Variants in LRP1B observed in about 807,000 individuals in gnomAD.
LRP1B encodes the protein LDL receptor related protein 1B.
A neutral mutation model predicts 556.6 loss-of-function variants in LRP1B; 217 were observed. That is an observed-to-expected ratio of 0.39 (90% CI 0.35 to 0.44). The LOEUF (loss-of-function observed/expected upper bound fraction) is 0.44. Among genes scored for constraint, LRP1B ranks in the 20% least tolerant of loss-of-function variants. LRP1B has a pLI of 1.00. For synonymous variants in LRP1B, 2,047 were observed against 1,865.8 expected (o/e 1.10, Z -2.50); for missense variants, 5,053 against 5,620.8 (o/e 0.90, Z 3.23).
intron 3 of LRP1B, among the ~76,000 whole-genome samples, chr2:141,467,034 T>C (rs1184874242): frequency 6.7e-6 from 1 of 148,954 alleles, no homozygotes; most frequent in African/African-American, 2.5e-5. Flanking sequence ...TGCCAGTTTT[T>C]TGCTACATAT....
chr2:141,639,144 G>C (rs1365915151), intron 2 of LRP1B, among the ~76,000 whole-genome samples: 1 of 134,882 alleles, frequency 7.4e-6, no homozygotes, highest in East Asian at 2.2e-4. Flanking sequence ...ACAAAAAAAA[G>C]TTACCAAATA....
rs574384585 is a variant in LRP1B, at chr2:141,915,203, T to C, written c.83-104802A>G. On this transcript the variant is annotated intron_variant, in intron 1 of 90. Transcript: ENST00000389484. ...ACCTGGAAATAAAGCAGCGCACCTA[T>C]AGCCATCTGATTTTCAACAGTCAAC... Among the ~76,000 whole-genome samples the C allele has an allele frequency of 2.0e-5, 3 of 152,234 alleles. No individual in the cohort carries two copies. The East Asian group carries it at 5.8e-4, about 29-fold the overall frequency.
At chr2:140,667,634 T>C (rs1022096471) in intron 41 of LRP1B, among the ~76,000 whole-genome samples, 6 of 152,216 alleles carry the variant, frequency 3.9e-5, no homozygotes, top group Non-Finnish European at 7.3e-5. Flanking sequence ...TGTTCCTTTT[T>C]CCCTCCAGTA....
At chr2:141,546,253 C>T (rs1685548817) in intron 2 of LRP1B, among the ~76,000 whole-genome samples, 1 of 152,098 alleles carries the variant, frequency 6.6e-6, no homozygotes, top group African/African-American at 2.4e-5. Context: ...CCTTGGCAAC[C>T]CTCTGCTGGG....
At chr2:141,204,912 G>T (rs1199883817) in intron 6 of LRP1B, among the ~76,000 whole-genome samples, 1 of 151,914 alleles carries the variant, frequency 6.6e-6, no homozygotes, top group Non-Finnish European at 1.5e-5. Context: ...ACCCTAGCCT[G>T]GGTGACAGAG....
chr2:141,343,494 G>T (rs1688142161), intron 3 of LRP1B, among the ~76,000 whole-genome samples: 1 of 152,074 alleles, frequency 6.6e-6, no homozygotes, highest in Non-Finnish European at 1.5e-5. Flanking sequence ...AGATATTTTT[G>T]TGGGCCTGTA....
chr2:141,804,049 T>G (rs770332785), intron 2 of LRP1B, among the ~76,000 whole-genome samples: 5 of 152,118 alleles, frequency 3.3e-5, no homozygotes, highest in Non-Finnish European at 7.4e-5. Context: ...ACTTGTTCTT[T>G]TTATTGCATT....
intron 6 of LRP1B, among the ~76,000 whole-genome samples, chr2:141,224,165 C>CAA (rs72540281): frequency 0.29 from 44,263 of 151,620 alleles, 7,192 homozygotes; most frequent in Middle Eastern, 0.5. Flanking sequence ...CACACACACA[C>CAA]AAACATTAAA....
At chr2:141,566,169 A>G (rs1000856817) in intron 2 of LRP1B, among the ~76,000 whole-genome samples, 1 of 150,912 alleles carries the variant, frequency 6.6e-6, no homozygotes, top group Non-Finnish European at 1.5e-5. Context: ...AAAAAAAAAG[A>G]AAAAAGAACT....
chr2:140,788,951 G>A (rs185229221), intron 32 of LRP1B, among the ~76,000 whole-genome samples: 1 of 152,284 alleles, frequency 6.6e-6, no homozygotes, highest in African/African-American at 2.4e-5. Context: ...ACAAAAAGGT[G>A]CCCATCTGCT....
intron 41 of LRP1B, among the ~76,000 whole-genome samples, chr2:140,631,784 A>G (rs1683895858): frequency 6.6e-6 from 1 of 152,190 alleles, no homozygotes; most frequent in African/African-American, 2.4e-5. Context: ...AAAACCATAG[A>G]TCTAGAAAGC....
chr2:141,267,244 A>C (rs1488444015), intron 3 of LRP1B, among the ~76,000 whole-genome samples: 1 of 152,174 alleles, frequency 6.6e-6, no homozygotes, highest in Non-Finnish European at 1.5e-5. Context: ...CCAGACCCTA[A>C]AGTAAAAGAT....
chr2:141,790,153 C>T (rs1695564695), intron 2 of LRP1B, among the ~76,000 whole-genome samples: 1 of 151,880 alleles, frequency 6.6e-6, no homozygotes, highest in East Asian at 1.9e-4. Flanking sequence ...CATAGTTTGT[C>T]CCTGGAGATA....
chr2:141,227,195 T>C (rs1018593196), intron 6 of LRP1B, among the ~76,000 whole-genome samples: 5 of 152,198 alleles, frequency 3.3e-5, no homozygotes, highest in African/African-American at 1.2e-4. Flanking sequence ...TTAAAACATA[T>C]ATTAAAGAAG....
intron 3 of LRP1B, among the ~76,000 whole-genome samples, chr2:141,415,724 C>A (rs1486717395): frequency 1.4e-5 from 2 of 141,976 alleles, no homozygotes; most frequent in African/African-American, 5.1e-5. Context: ...AATATGTATG[C>A]ATTTCAGTTC....
rs59699046 is a variant in LRP1B, at chr2:141,212,249, A to ATTTTTTTT, written c.850+16926_850+16933dup. On this transcript the variant is annotated intron_variant, in intron 6 of 90. Transcript: ENST00000389484. ...AAGATATATTGATCAAAAAGTCTAG[A>ATTTTTTTT]TTTTTTTTTTTTTTTTTTTTTTTTT... Among the ~76,000 whole-genome samples, 78 of 62,266 alleles carry ATTTTTTTT rather than the reference A, an allele frequency of 1.3e-3. 19 individuals are homozygous for ATTTTTTTT. The highest frequency in any genetic ancestry group is 3.7e-3 in the East Asian group (6 of 1,624). The allele number at this position is 62,266 out of a possible 152,430, so 40.8% of individuals were successfully genotyped here.
intron 18 of LRP1B, among the ~76,000 whole-genome samples, chr2:140,960,897 A>T (rs931974631): frequency 6.6e-6 from 1 of 152,022 alleles, no homozygotes; most frequent in African/African-American, 2.4e-5. Context: ...ATTACATGAC[A>T]TGTAAACCAA....
chr2:140,562,934 AAAAGT>A (rs1331887196), intron 43 of LRP1B, among the ~76,000 whole-genome samples: 1 of 152,126 alleles, frequency 6.6e-6, no homozygotes, highest in Non-Finnish European at 1.5e-5. Flanking sequence ...TTTTAAGTTG[AAAAGT>A]AAAGTAAAAT....
At chr2:141,742,730 G>A (rs1693757186) in intron 2 of LRP1B, among the ~76,000 whole-genome samples, 1 of 151,932 alleles carries the variant, frequency 6.6e-6, no homozygotes, top group Admixed American at 6.6e-5. Flanking sequence ...TAACAATATT[G>A]TTTCTTCAAA....
Sources: allele counts gnomAD v4.1 joint callset (sites outside exome capture counted in the v4.1 genomes callset), GRCh38; gene constraint gnomAD v4.1.1; transcripts MANE v1.5; gene names NCBI Gene and HGNC (gene_info 2026-07-23, HGNC 2026-07-21).